The following ASB14 variants were observed in gnomAD, a reference collection of about 807,000 sequenced individuals.
The protein encoded by ASB14 is ankyrin repeat and SOCS box containing 14, also known as ankyrin repeat and SOCS box protein 14.
In ASB14, 63 loss-of-function variants were observed where a neutral mutation model predicts 55.6. The observed-to-expected ratio is 1.13, with a 90% CI of 0.92 to 1.40. The LOEUF is 1.40. Ranked by LOEUF, ASB14 falls within the 40% of genes most tolerant of loss-of-function variation. ASB14 has a pLI of 0.00. For synonymous variants in ASB14, 256 were observed against 259.9 expected (o/e 0.98, Z 0.15); for missense variants, 724 against 710.4 (o/e 1.02, Z -0.22).
chr3:57,279,924 A>G (rs992319661), intron 7 of ASB14, among the ~76,000 whole-genome samples: 2 of 151,800 alleles, frequency 1.3e-5, no homozygotes, highest in Non-Finnish European at 2.9e-5. Flanking sequence ...GTTGGGGGGG[A>G]ACCGTGTTAA....
chr3:57,285,756 G>A (rs1251091967), intron 5 of ASB14, among the ~76,000 whole-genome samples: 1 of 152,034 alleles, frequency 6.6e-6, no homozygotes, highest in African/African-American at 2.4e-5. Flanking sequence ...AGCCCACCAT[G>A]GTCTTGAAGA....
At position 57,283,451 on chromosome 3, in the gene ASB14, GA is replaced by G. The variant is rs1293151268; in HGVS notation, c.470-13del. 6.5e-7 allele frequency: 1 copy of G among 1,549,438 alleles called. No homozygotes were observed. The highest frequency in any genetic ancestry group is 8.7e-7 in the Non-Finnish European group (1 of 1,146,030). On this transcript the variant is annotated splice_polypyrimidine_tract_variant and intron_variant, in intron 5 of 10. Coordinates refer to ENST00000487349, the MANE Select transcript of ASB14 (RefSeq NM_001142733.3). ...GTCACGCAGCACAGCTGGGAAATGA[GA>G]AGTGTGGTGGGCATGTTCAACGGGA...
chr3:57,274,972 T>C (rs34575585), intron 10 of ASB14, among the ~76,000 whole-genome samples: 1 of 152,230 alleles, frequency 6.6e-6, no homozygotes, highest in Admixed American at 6.5e-5. Flanking sequence ...ACCCTACCTC[T>C]GTACTTGACT....
chr3:57,288,764 G>A (rs569088635), intron 3 of ASB14, among the ~76,000 whole-genome samples: 1 of 139,452 alleles, frequency 7.2e-6, no homozygotes, highest in East Asian at 2.6e-4. Context: ...GCCCAGACTG[G>A]AGTGTGGTGG....
chr3:57,270,627 G>C (rs1376103636), intron 10 of ASB14: 1 of 152,580 alleles, frequency 6.6e-6, no homozygotes, highest in Admixed American at 6.5e-5. Flanking sequence ...AAAATTCCCA[G>C]AGTTTAGTTT....
chr3:57,277,765 AC>A lies in ASB14; in HGVS notation c.1585+1del, dbSNP rs774259370. The A allele has an allele frequency of 5.0e-6, 8 of 1,602,544 alleles. No homozygotes were observed. In the East Asian group the frequency reaches 1.6e-4, roughly 31 times the overall value. On this transcript the variant is annotated splice_donor_variant, in intron 9 of 10. Transcript: ENST00000487349. LOFTEE classifies it high-confidence loss of function. ...AAGTCATTCTATGAGAAGGATACTT[AC>A]TTAAGATAAAATGTATTTCTGACCA... is the stretch of plus-strand genomic sequence containing the variant.
chr3:57,275,870 C>A (rs1343186093), intron 10 of ASB14, among the ~76,000 whole-genome samples: 1 of 152,100 alleles, frequency 6.6e-6, no homozygotes, highest in African/African-American at 2.4e-5. Context: ...AGAAAAGGTA[C>A]AGTAAAAATA....
chr3:57,275,367 G>A (rs1023962727), intron 10 of ASB14, among the ~76,000 whole-genome samples: 8 of 150,892 alleles, frequency 5.3e-5, no homozygotes, highest in Non-Finnish European at 8.8e-5. Flanking sequence ...CACAAGAATC[G>A]CTTGAACCCG....
intron 10 of ASB14, chr3:57,271,090 G>T (rs760084037): frequency 3.9e-4 from 60 of 152,020 alleles, no homozygotes; most frequent in Non-Finnish European, 7.1e-4. Flanking sequence ...TTTTTCAAGA[G>T]GTTAGCCACT....
intron 5 of ASB14, among the ~76,000 whole-genome samples, chr3:57,285,425 TG>T (rs2061073510): frequency 6.6e-6 from 1 of 152,142 alleles, no homozygotes; most frequent in South Asian, 2.1e-4. Context: ...TGTTGATTTT[TG>T]GTTTTGGTAT....
At chr3:57,277,639 G>T in intron 9 of ASB14, 128 bp downstream of exon 9, 1 of 793,368 alleles carries the variant, frequency 1.3e-6, no homozygotes, top group East Asian at 2.6e-5. Context: ...TTTAAAGATA[G>T]GAATAGTATT....
At chr3:57,285,489 GTCCCCAC>G (rs1234712822) in intron 5 of ASB14, among the ~76,000 whole-genome samples, 10 of 151,812 alleles carry the variant, frequency 6.6e-5, no homozygotes, top group Non-Finnish European at 1.2e-4. Flanking sequence ...TTTTCCTCCT[GTCCCCAC>G]CACATGTGCA....
Position 57,269,200 on chromosome 3 carries a change from G to C in ASB14, c.*441C>G, listed in dbSNP as rs1041398585. 5.9e-6 allele frequency: 1 copy of C among 169,822 alleles called. No homozygotes were observed. The highest frequency in any genetic ancestry group is 2.4e-5 in the African/African-American group (1 of 42,018). The allele number at this position is 169,822 out of a possible 1,614,324, so 10.5% of individuals were successfully genotyped here. On this transcript the variant is annotated 3_prime_UTR_variant, in exon 11 of 11. Coordinates refer to ENST00000487349, the MANE Select transcript of ASB14 (RefSeq NM_001142733.3). ...TGGACAGGGATGGAGAAAAGGGCTG[G>C]AGAGGGGAAGGGAAAGGAGTGTGGG... is the stretch of plus-strand genomic sequence containing the variant.
chr3:57,289,046 TA>T (rs1251775295), intron 3 of ASB14, 21 bp downstream of exon 3: 6 of 1,482,006 alleles, frequency 4.0e-6, no homozygotes, highest in Admixed American at 2.0e-5. Flanking sequence ...TACCACAAGT[TA>T]AAGGGGATAG....
At position 57,277,809 on chromosome 3, in the gene ASB14, G is replaced by A; in HGVS notation, c.1543C>T (p.Leu515Phe). 1 of 1,613,000 alleles carries A rather than the reference G, an allele frequency of 6.2e-7. No individual in the cohort carries two copies. Among genetic ancestry groups the A allele is most frequent in the Non-Finnish European group, 8.5e-7 (1 of 1,179,688 alleles). The change falls in exon 9 of 11, where the codon CTC (leucine) becomes TTC (phenylalanine). Residue 515 changes from leucine (L) to phenylalanine (F), a missense_variant. Transcript: ENST00000487349. Reference sequence around the variant, plus strand: ...TCTGACCAGATCCCCTGTTTTTGGAGCACAGCTTTCAACTTTGAACAGATC... The same window carrying A: ...TCTGACCAGATCCCCTGTTTTTGGAACACAGCTTTCAACTTTGAACAGATC... Reference protein sequence around the residue: ...VRICSKLKAVLQKQGIWSEIH... With the variant: ...VRICSKLKAVFQKQGIWSEIH...
At chr3:57,273,192 T>G (rs2060958031) in intron 10 of ASB14, 1 of 152,684 alleles carries the variant, frequency 6.5e-6, no homozygotes, top group African/African-American at 2.4e-5. Flanking sequence ...GCTTTGTATA[T>G]TTGGTGATTT....
chr3:57,270,032 A>C (rs1310795636), intron 10 of ASB14: 1 of 167,620 alleles, frequency 6.0e-6, no homozygotes, highest in African/African-American at 2.4e-5. Context: ...GAAATCATTT[A>C]TTCTTCAGGC....
In ASB14 at chr3:57,269,018, A is replaced by C. The variant is rs1327933442; in HGVS notation, c.*623T>G. On this transcript the variant is annotated 3_prime_UTR_variant, in exon 11 of 11. Coordinates refer to ENST00000487349, the MANE Select transcript of ASB14 (RefSeq NM_001142733.3). The stretch of plus-strand genomic sequence containing the variant: ...TAGATTGACAGTAGGAATAGAAAAG[A>C]GGAGACAGCTGGGATGCTTAGAACA... 2 of 153,106 alleles carry C rather than the reference A, an allele frequency of 1.3e-5. No individual in the cohort carries two copies. The highest frequency in any genetic ancestry group is 4.8e-5 in the African/African-American group (2 of 41,476). 9.5% of individuals were successfully genotyped at this position (153,106 alleles called of 1,614,324 possible). A position where few individuals can be genotyped will look rare whatever the true frequency, so the allele number is the denominator to read the frequency against.
At position 57,291,929 on chromosome 3, in the gene ASB14, A is replaced by C. The variant is rs1293345003; in HGVS notation, c.105T>G (p.His35Gln). The C allele has an allele frequency of 1.3e-6, 2 of 1,535,918 alleles. No individual in the cohort carries two copies. The highest frequency in any genetic ancestry group is 2.7e-5 in the African/African-American group (2 of 72,998). The change falls in exon 2 of 11, where the codon CAT becomes CAG. Residue 35 changes from histidine to glutamine, a missense_variant. Transcript: ENST00000487349. The stretch of plus-strand genomic sequence containing the variant: ...ACCATTACCTCTCATCCTTAGGTGC[A>C]TGTTGTGCTGTTCCTGGCTTATAAA... ...QDIYKPGTAQ[H>Q]APKDESLHSF...
Sources: allele counts gnomAD v4.1 joint callset (sites outside exome capture counted in the v4.1 genomes callset), GRCh38; gene constraint gnomAD v4.1.1; transcripts MANE v1.5; gene names NCBI Gene and HGNC (gene_info 2026-07-23, HGNC 2026-07-21).